Variants in LRRC4C observed in about 807,000 individuals in gnomAD.
The protein encoded by LRRC4C is leucine-rich repeat-containing protein 4C.
LRRC4C carries 5 observed loss-of-function variants against 33.6 expected under a neutral mutation model. The ratio of observed to expected loss-of-function variants is 0.15; its 90% CI spans 0.08 to 0.31. The LOEUF is 0.31. LRRC4C is among the 10% of genes least tolerant of loss of function. The pLI is 1.00. For synonymous variants in LRRC4C, 329 were observed against 302.0 expected, an observed-to-expected ratio of 1.09 and a Z score of -0.93; for missense variants, 560 against 796.7, an observed-to-expected ratio of 0.70 and a Z score of 3.58.
chr11:41,061,441 ATAAT>A (rs34116830), intron 1 of LRRC4C, among the ~76,000 whole-genome samples: 74,077 of 151,740 alleles, frequency 0.49, 18,473 homozygotes, highest in South Asian at 0.63. Context: ...ACTAGGTCAG[ATAAT>A]TAATACACTT....
intron 1 of LRRC4C, among the ~76,000 whole-genome samples, chr11:41,007,543 A>G (rs770427878): frequency 6.6e-6 from 1 of 152,114 alleles, no homozygotes; most frequent in Non-Finnish European, 1.5e-5. Flanking sequence ...CCTATAGATG[A>G]ACACCCACAC....
At chr11:40,901,290 A>G (rs928390218) in intron 2 of LRRC4C, among the ~76,000 whole-genome samples, 2 of 152,114 alleles carry the variant, frequency 1.3e-5, no homozygotes, top group Admixed American at 1.3e-4. Context: ...AAAATAGAGT[A>G]CATATACAAA....
chr11:41,247,660 G>T (rs1463057068), intron 1 of LRRC4C, among the ~76,000 whole-genome samples: 5 of 152,300 alleles, frequency 3.3e-5, no homozygotes, highest in African/African-American at 1.2e-4. Flanking sequence ...CCACCATTAT[G>T]TTCACTTTTT....
chr11:41,429,361 G>A (rs566925804), intron 1 of LRRC4C, among the ~76,000 whole-genome samples: 1 of 152,188 alleles, frequency 6.6e-6, no homozygotes, highest in African/African-American at 2.4e-5. Flanking sequence ...ACTAATACAG[G>A]ACTGATGTCA....
At chr11:41,207,840 T>C (rs142454154) in intron 1 of LRRC4C, among the ~76,000 whole-genome samples, 7 of 152,290 alleles carry the variant, frequency 4.6e-5, no homozygotes, top group Non-Finnish European at 1.0e-4. Flanking sequence ...CAGGCTAATA[T>C]AGATTTTAGT....
intron 2 of LRRC4C, among the ~76,000 whole-genome samples, chr11:40,801,940 A>G (rs932416753): frequency 2.6e-5 from 4 of 152,210 alleles, no homozygotes; most frequent in African/African-American, 9.6e-5. Flanking sequence ...ACTCCTTCAC[A>G]TGGAGAAAAA....
intron 1 of LRRC4C, among the ~76,000 whole-genome samples, chr11:41,432,942 A>G (rs1345835825): frequency 6.6e-6 from 1 of 152,138 alleles, no homozygotes; most frequent in Non-Finnish European, 1.5e-5. Context: ...ACAGTGGGGT[A>G]TCAGGTATAT....
chr11:40,124,314 C>T (rs913585226), intron 6 of LRRC4C, among the ~76,000 whole-genome samples: 1 of 152,074 alleles, frequency 6.6e-6, no homozygotes, highest in Admixed American at 6.6e-5. Flanking sequence ...CATATATTCC[C>T]TAAAAAAGGA....
chr11:40,802,135 C>T (rs2135291614), intron 2 of LRRC4C, among the ~76,000 whole-genome samples: 1 of 152,234 alleles, frequency 6.6e-6, no homozygotes, highest in East Asian at 1.9e-4. Context: ...AGCTACATTC[C>T]ATTGTCAGAA....
intron 2 of LRRC4C, among the ~76,000 whole-genome samples, chr11:40,912,107 G>A (rs1212755902): frequency 6.6e-6 from 1 of 152,170 alleles, no homozygotes; most frequent in Non-Finnish European, 1.5e-5. Context: ...ATGGAACAAA[G>A]TTGGAAAACA....
At chr11:40,800,513 A>C (rs1466135162) in intron 2 of LRRC4C, among the ~76,000 whole-genome samples, 2 of 152,170 alleles carry the variant, frequency 1.3e-5, no homozygotes, top group African/African-American at 2.4e-5. Context: ...TCACAATCAC[A>C]CTTTTGCATT....
chr11:40,556,032 C>T (rs552563793), intron 3 of LRRC4C, among the ~76,000 whole-genome samples: 93 of 152,168 alleles, frequency 6.1e-4, no homozygotes, highest in African/African-American at 1.6e-3. Flanking sequence ...TCTTCTTTCT[C>T]GGTCTTTAGA....
chr11:40,741,977 G>C (rs1369351352), intron 2 of LRRC4C, among the ~76,000 whole-genome samples: 1 of 151,902 alleles, frequency 6.6e-6, no homozygotes, highest in African/African-American at 2.4e-5. Context: ...ATCTGCTCTT[G>C]TTACTCCTAG....
Position 40,578,310 on chromosome 11 carries a change from A to G in LRRC4C, c.-270+69832T>C, listed in dbSNP as rs142507310. Among the ~76,000 whole-genome samples the G allele has an allele frequency of 4.5e-3, 677 of 151,900 alleles. 20 individuals carry two copies. Among genetic ancestry groups the G allele is most frequent in the Admixed American group, 0.032 (487 of 15,240 alleles). On this transcript the variant is annotated intron_variant, in intron 3 of 6. Coordinates refer to ENST00000528697, the MANE Select transcript of LRRC4C (RefSeq NM_001258419.2). The stretch of plus-strand genomic sequence containing the variant: ...GGGAAAACTTTTACATTCAGGTGTC[A>G]GGATATTTTTGTCAGAAAATGCAAC...
At chr11:40,645,457 C>T (rs1169117804) in intron 3 of LRRC4C, among the ~76,000 whole-genome samples, 1 of 152,038 alleles carries the variant, frequency 6.6e-6, no homozygotes, top group Non-Finnish European at 1.5e-5. Context: ...TCCCTGTTTG[C>T]CAATACAGGG....
chr11:40,957,679 G>C (rs1477142210), intron 1 of LRRC4C, among the ~76,000 whole-genome samples: 1 of 151,690 alleles, frequency 6.6e-6, no homozygotes, highest in African/African-American at 2.4e-5. Context: ...CTGAAGTCTA[G>C]GCTTATATCC....
intron 1 of LRRC4C, among the ~76,000 whole-genome samples, chr11:41,001,209 C>A (rs1565288344): frequency 6.6e-6 from 1 of 152,076 alleles, no homozygotes; most frequent in Non-Finnish European, 1.5e-5. Flanking sequence ...CAATTTTTAA[C>A]TAGAATTGAC....
intron 3 of LRRC4C, among the ~76,000 whole-genome samples, chr11:40,444,404 G>A (rs1478183291): frequency 1.4e-5 from 2 of 145,744 alleles, no homozygotes; most frequent in Admixed American, 6.9e-5. Context: ...TTAAGTTTTA[G>A]GGTACATGTG....
intron 1 of LRRC4C, among the ~76,000 whole-genome samples, chr11:41,072,035 T>C (rs1027506246): frequency 1.3e-5 from 2 of 151,876 alleles, no homozygotes; most frequent in African/African-American, 4.8e-5. Flanking sequence ...GGATGAGGAG[T>C]TGCTTCTTAT....
Sources: allele counts gnomAD v4.1 joint callset (sites outside exome capture counted in the v4.1 genomes callset), GRCh38; gene constraint gnomAD v4.1.1; transcripts MANE v1.5; gene names NCBI Gene and HGNC (gene_info 2026-07-23, HGNC 2026-07-21).